The following THADA variants were observed in gnomAD, a reference collection of about 807,000 sequenced individuals.
The protein encoded by THADA is tRNA (32-2'-O)-methyltransferase regulator THADA.
In THADA, 213 loss-of-function variants were observed where a neutral mutation model predicts 219.8. That is an observed-to-expected ratio of 0.97 (90% confidence interval 0.87 to 1.09). The LOEUF is 1.09. Ranked by LOEUF, THADA falls within the 50% of genes least tolerant of loss-of-function variation. The pLI is 0.00. For synonymous variants in THADA, 1,018 were observed against 828.9 expected, an observed-to-expected ratio of 1.23 and a Z score of -3.92; for missense variants, 2,956 against 2,311.3, an observed-to-expected ratio of 1.28 and a Z score of -5.72.
chr2:43,586,903 G>C lies in THADA; in HGVS notation c.402C>G (p.Tyr134Ter), dbSNP rs1701084859. The change falls in exon 5 of 38, where the codon TAC (tyrosine) becomes TAG (stop). Residue 134 changes from tyrosine to a stop codon, truncating the protein, a stop_gained. Transcript: ENST00000405975. LOFTEE classifies it high-confidence loss of function. Reference sequence around the variant, plus strand: ...AAGAAATATTGTCAGTAACTTTCCTGTAAGAGTATAAGTCAGTAGTATTCA... The same window carrying C: ...AAGAAATATTGTCAGTAACTTTCCTCTAAGAGTATAAGTCAGTAGTATTCA... ...EELNTTDLYS[Y>*]RKVTDNISSC... 1 of 1,613,788 alleles carries C rather than the reference G, an allele frequency of 6.2e-7. No homozygotes were observed. The highest frequency in any genetic ancestry group is 1.3e-5 in the African/African-American group (1 of 74,938).
intron 14 of THADA, among the ~76,000 whole-genome samples, chr2:43,569,526 G>A (rs781737066): frequency 1.3e-5 from 2 of 152,098 alleles, no homozygotes; most frequent in African/African-American, 2.4e-5. Context: ...CCCAATCTTC[G>A]TCATTGAGAT....
chr2:43,446,534 C>T (rs1681578282), intron 26 of THADA, among the ~76,000 whole-genome samples: 1 of 152,206 alleles, frequency 6.6e-6, no homozygotes, highest in African/African-American at 2.4e-5. Flanking sequence ...CATGTTGGTT[C>T]TATCAGCCCC....
intron 28 of THADA, among the ~76,000 whole-genome samples, chr2:43,417,242 A>G (rs1278920465): frequency 1.3e-5 from 2 of 151,972 alleles, no homozygotes; most frequent in Admixed American, 6.6e-5. Flanking sequence ...ATGACATACT[A>G]AAGACAGATA....
In THADA at chr2:43,572,742, G is replaced by A. The variant is rs138794003; in HGVS notation, c.1908+72C>T. ...AAAACAGTTCAGGATACAATGTAGG[G>A]GCCTCTATATTGAACTGCTACATGA... On this transcript the variant is annotated intron_variant, in intron 12 of 37. Transcript: ENST00000405975. The A allele has an allele frequency of 7.0e-3, 9,453 of 1,356,030 alleles. 47 individuals carry two copies. The highest frequency in any genetic ancestry group is 8.0e-3 in the Non-Finnish European group (7,890 of 984,078). The allele number at this position is 1,356,030 out of a possible 1,614,324, so 84.0% of individuals were successfully genotyped here.
chr2:43,235,734 G>T lies in THADA; in HGVS notation c.5297-2852C>A, dbSNP rs566593054. Among the ~76,000 whole-genome samples, 21 of 152,212 alleles carry T rather than the reference G, an allele frequency of 1.4e-4. No homozygotes were observed. The South Asian group carries it at 1.5e-3, about 11-fold the overall frequency. On this transcript the variant is annotated intron_variant, in intron 36 of 37. Coordinates refer to ENST00000405975, the MANE Select transcript of THADA (RefSeq NM_022065.5). ...GAGTCCATAAAGAACCTATGGGGGT[G>T]ACCAGAGATGCCACCAAGGAAGGCT...
intron 34 of THADA, among the ~76,000 whole-genome samples, chr2:43,287,283 A>C (rs1176602648): frequency 6.6e-6 from 1 of 152,144 alleles, no homozygotes; most frequent in Non-Finnish European, 1.5e-5. Context: ...TGACTAGACA[A>C]CAAGTTCCTT....
intron 29 of THADA, among the ~76,000 whole-genome samples, chr2:43,378,655 G>C (rs1445732107): frequency 1.3e-5 from 2 of 152,140 alleles, no homozygotes; most frequent in Non-Finnish European, 2.9e-5. Flanking sequence ...GCCCAGGCTG[G>C]AGTGCAGTGG....
At chr2:43,570,309 A>G in intron 14 of THADA, 79 bp downstream of exon 14, 1 of 1,364,900 alleles carries the variant, frequency 7.3e-7, no homozygotes, top group Non-Finnish European at 9.9e-7. Context: ...AGAGACTTCC[A>G]TTTATTTCCC....
intron 31 of THADA, among the ~76,000 whole-genome samples, chr2:43,293,928 G>A (rs775984932): frequency 1.3e-5 from 2 of 152,138 alleles, no homozygotes; most frequent in African/African-American, 2.4e-5. Flanking sequence ...GGTTTGACCC[G>A]CAGGACTATT....
intron 24 of THADA, among the ~76,000 whole-genome samples, chr2:43,503,720 A>G (rs1214872408): frequency 6.6e-6 from 1 of 152,188 alleles, no homozygotes; most frequent in African/African-American, 2.4e-5. Context: ...GGGGAGAAGG[A>G]AAGCAAATTA....
chr2:43,431,951 G>A (rs1444060089), intron 26 of THADA, among the ~76,000 whole-genome samples: 2 of 113,866 alleles, frequency 1.8e-5, no homozygotes, highest in East Asian at 4.4e-4. Context: ...CCGCCTCGCG[G>A]GTTCACGCCA....
chr2:43,420,365 T>C (rs1677547085), intron 28 of THADA, among the ~76,000 whole-genome samples: 1 of 152,250 alleles, frequency 6.6e-6, no homozygotes, highest in Admixed American at 6.5e-5. Context: ...CTTTGCATCT[T>C]ACCCAAGACC....
At chr2:43,444,799 G>A (rs1681308472) in intron 26 of THADA, among the ~76,000 whole-genome samples, 1 of 152,108 alleles carries the variant, frequency 6.6e-6, no homozygotes, top group African/African-American at 2.4e-5. Flanking sequence ...ATCATCTCAG[G>A]AATAGGGATC....
chr2:43,260,852 A>T (rs1039274472), intron 36 of THADA, among the ~76,000 whole-genome samples: 1 of 152,208 alleles, frequency 6.6e-6, no homozygotes, highest in Non-Finnish European at 1.5e-5. Flanking sequence ...ATTTTCTGTC[A>T]GAGTACAAGG....
At chr2:43,321,289 C>T (rs1678682719) in intron 30 of THADA, among the ~76,000 whole-genome samples, 1 of 152,206 alleles carries the variant, frequency 6.6e-6, no homozygotes, top group Non-Finnish European at 1.5e-5. Context: ...GTAGTAGAGA[C>T]AGTAGGGACA....
Position 43,231,151 on chromosome 2 carries a change from TGAA to T in THADA, c.5656_5658del (p.Phe1886del), listed in dbSNP as rs544375407. 2.7e-3 allele frequency: 4,282 copies of T among 1,613,918 alleles called. 13 individuals carry two copies. Among genetic ancestry groups the T allele is most frequent in the Non-Finnish European group, 2.7e-3 (3,241 of 1,179,838 alleles). ...AACTCAGCAGCTGGTGGAAGCTCTCTGAAGAACTGAGACAGGAGGTGGCACTGC... is the reference window on the plus strand; with the variant it reads ...AACTCAGCAGCTGGTGGAAGCTCTCTGAACTGAGACAGGAGGTGGCACTGC... On this transcript the variant is annotated inframe_deletion, in exon 38 of 38. Transcript: ENST00000405975.
chr2:43,372,158 A>C (rs986485929), intron 29 of THADA: 2 of 152,246 alleles, frequency 1.3e-5, no homozygotes, highest in Admixed American at 1.3e-4. Context: ...CAAATGTCTA[A>C]GAACGTGCAT....
At chr2:43,278,686 C>T (rs930302843) in intron 36 of THADA, among the ~76,000 whole-genome samples, 2 of 152,160 alleles carry the variant, frequency 1.3e-5, no homozygotes, top group Admixed American at 1.3e-4. Context: ...GCTTCTTCCA[C>T]ATAGGCAGAG....
chr2:43,243,123 G>C (rs1668784757), intron 36 of THADA, among the ~76,000 whole-genome samples: 1 of 152,124 alleles, frequency 6.6e-6, no homozygotes, highest in Non-Finnish European at 1.5e-5. Context: ...GCACCTGCTG[G>C]GCAGCTCCTC....
Sources: allele counts gnomAD v4.1 joint callset (sites outside exome capture counted in the v4.1 genomes callset), GRCh38; gene constraint gnomAD v4.1.1; transcripts MANE v1.5; gene names NCBI Gene and HGNC (gene_info 2026-07-23, HGNC 2026-07-21).